Variants in AGMO observed in about 807,000 individuals in gnomAD.
AGMO encodes the protein alkylglycerol monooxygenase.
AGMO carries 75 observed loss-of-function variants against 60.2 expected under a neutral mutation model. The observed-to-expected ratio is 1.25, with a 90% CI of 1.03 to 1.51. The LOEUF (loss-of-function observed/expected upper bound fraction) is 1.51. Among genes scored for constraint, AGMO ranks in the 40% most tolerant of loss-of-function variants. AGMO has a pLI of 0.00. For missense variants in AGMO, 763 were observed against 525.5 expected (o/e 1.45, Z -4.42); for synonymous variants, 261 against 177.1 (o/e 1.47, Z -3.76).
At chr7:15,296,779 G>C (rs1784419270) in intron 12 of AGMO, among the ~76,000 whole-genome samples, 1 of 152,104 alleles carries the variant, frequency 6.6e-6, no homozygotes, top group Non-Finnish European at 1.5e-5. Flanking sequence ...TAGGAAACTG[G>C]TGTTCAGGAA....
intron 12 of AGMO, among the ~76,000 whole-genome samples, chr7:15,332,964 G>A (rs1405995079): frequency 1.3e-5 from 2 of 151,966 alleles, no homozygotes; most frequent in Non-Finnish European, 2.9e-5. Flanking sequence ...TTCCTTTGTT[G>A]TGCTTCTCCC....
At chr7:15,437,223 C>G (rs1210034289) in intron 3 of AGMO, among the ~76,000 whole-genome samples, 1 of 152,120 alleles carries the variant, frequency 6.6e-6, no homozygotes, top group African/African-American at 2.4e-5. Flanking sequence ...GAAGTGTCAT[C>G]AATTTTATCA....
At chr7:15,500,232 A>G (rs1354968397) in intron 3 of AGMO, among the ~76,000 whole-genome samples, 2 of 151,916 alleles carry the variant, frequency 1.3e-5, no homozygotes, top group Non-Finnish European at 2.9e-5. Flanking sequence ...TCTTATTTCT[A>G]GTGCTTTTAA....
intron 3 of AGMO, among the ~76,000 whole-genome samples, chr7:15,490,576 A>C (rs984871667): frequency 6.6e-6 from 1 of 152,184 alleles, no homozygotes; most frequent in Non-Finnish European, 1.5e-5. Flanking sequence ...TTATGCCTCA[A>C]GAAAAGAATG....
chr7:15,505,823 A>G (rs1783499493), intron 3 of AGMO, among the ~76,000 whole-genome samples: 1 of 152,046 alleles, frequency 6.6e-6, no homozygotes, highest in Non-Finnish European at 1.5e-5. Context: ...TAGACTCTGT[A>G]TTTCTGTTTT....
intron 12 of AGMO, among the ~76,000 whole-genome samples, chr7:15,339,912 G>A (rs552095771): frequency 9.9e-5 from 15 of 152,088 alleles, no homozygotes; most frequent in Non-Finnish European, 1.9e-4. Context: ...TTAGCTAAGG[G>A]TAAACAATGT....
chr7:15,341,118 A>C (rs1035931650), intron 12 of AGMO, among the ~76,000 whole-genome samples: 1 of 152,102 alleles, frequency 6.6e-6, no homozygotes, highest in African/African-American at 2.4e-5. Flanking sequence ...CATGTCCTGG[A>C]GACATTTTCC....
chr7:15,392,246 A>AT (rs201100764), intron 6 of AGMO, among the ~76,000 whole-genome samples: 4,078 of 150,842 alleles, frequency 0.027, 163 homozygotes, highest in African/African-American at 0.093. Context: ...ATTTTTCTGT[A>AT]TTTTTTTTAG....
chr7:15,259,156 A>G (rs1783194270), intron 12 of AGMO, among the ~76,000 whole-genome samples: 1 of 152,092 alleles, frequency 6.6e-6, no homozygotes, highest in African/African-American at 2.4e-5. Flanking sequence ...AATCAAAAAC[A>G]TGATACAGAA....
At chr7:15,182,362 T>C in the AGMO span, among the ~76,000 whole-genome samples, 1 of 152,224 alleles carries the variant, frequency 6.6e-6, no homozygotes, top group Non-Finnish European at 1.5e-5. Context: ...AATTTTGTTA[T>C]ATATTGTACC....
intron 12 of AGMO, among the ~76,000 whole-genome samples, chr7:15,334,508 G>A (rs1292601579): frequency 1.3e-5 from 2 of 151,908 alleles, no homozygotes; most frequent in Non-Finnish European, 2.9e-5. Flanking sequence ...TTTTCCCTAG[G>A]GCAGTAGATT....
At chr7:15,436,436 C>T (rs1191875537) in intron 3 of AGMO, among the ~76,000 whole-genome samples, 2 of 152,128 alleles carry the variant, frequency 1.3e-5, no homozygotes, top group Non-Finnish European at 2.9e-5. Flanking sequence ...CTCGCAAAAG[C>T]CCTTTTATAG....
intron 3 of AGMO, among the ~76,000 whole-genome samples, chr7:15,479,743 G>C (rs73679616): frequency 0.012 from 1,752 of 152,174 alleles, 34 homozygotes; most frequent in African/African-American, 0.04. Flanking sequence ...TAAATGCAAG[G>C]GATACAAAAC....
intron 3 of AGMO, among the ~76,000 whole-genome samples, chr7:15,431,505 C>T (rs111377700): frequency 2.0e-5 from 3 of 151,700 alleles, no homozygotes; most frequent in African/African-American, 4.8e-5. Flanking sequence ...ATGTTTCTAA[C>T]TAAAGAAAAA....
intron 3 of AGMO, among the ~76,000 whole-genome samples, chr7:15,491,489 T>C (rs1487616938): frequency 1.3e-5 from 2 of 152,142 alleles, no homozygotes; most frequent in South Asian, 4.1e-4. Flanking sequence ...ATAGTACTTA[T>C]TATGTGCCAT....
intron 3 of AGMO, among the ~76,000 whole-genome samples, chr7:15,462,434 C>T (rs1285772385): frequency 2.6e-5 from 4 of 151,842 alleles, no homozygotes; most frequent in African/African-American, 9.7e-5. Context: ...GACTTTTTTC[C>T]CTGTCGTACA....
chr7:15,387,329 G>C (rs974332245), intron 9 of AGMO, 77 bp downstream of exon 9: 6 of 1,489,786 alleles, frequency 4.0e-6, no homozygotes, highest in Non-Finnish European at 5.5e-6. Flanking sequence ...CATGAAAACA[G>C]CGTATGTACA....
intron 12 of AGMO, among the ~76,000 whole-genome samples, chr7:15,289,347 G>C (rs1784191296): frequency 6.6e-6 from 1 of 151,812 alleles, no homozygotes; most frequent in South Asian, 2.1e-4. Flanking sequence ...ATGTATAGCT[G>C]TCTCTATAAG....
chr7:15,548,817 G>A (rs1055742405), intron 2 of AGMO, among the ~76,000 whole-genome samples: 4 of 152,002 alleles, frequency 2.6e-5, no homozygotes, highest in Non-Finnish European at 4.4e-5. Context: ...TACAGAGAAC[G>A]CCACAAAGAT....
Sources: gnomAD v4.1 joint callset for allele counts (sites outside exome capture counted in the v4.1 genomes callset) on GRCh38, gnomAD v4.1.1 for gene constraint, MANE v1.5 for transcripts, NCBI Gene and HGNC (gene_info 2026-07-23, HGNC 2026-07-21) for gene names.